TCF7L1: variants seen among roughly 807,000 people sequenced by gnomAD.
The protein encoded by TCF7L1 is transcription factor 7-like 1.
In TCF7L1, 18 loss-of-function variants were observed where a neutral mutation model predicts 63.7. The ratio of observed to expected loss-of-function variants is 0.28; its 90% CI spans 0.20 to 0.42. TCF7L1 has a LOEUF of 0.42. TCF7L1 is among the 10% of genes least tolerant of loss of function. TCF7L1 has a pLI of 1.00. For missense variants in TCF7L1, 654 were observed against 779.3 expected, an observed-to-expected ratio of 0.84 and a Z score of 1.91; for synonymous variants, 355 against 340.9, an observed-to-expected ratio of 1.04 and a Z score of -0.46.
rs773496345 is a variant in TCF7L1, at chr2:85,309,414, G to A, written c.1719G>A (p.Pro573=). Residue 573 remains proline, a synonymous_variant, in exon 12 of 12, where the codon CCG becomes CCA. Coordinates refer to ENST00000282111, the MANE Select transcript of TCF7L1 (RefSeq NM_031283.3). ...CGCTCCATGCCCACCAGGCCCTCCCGGTGCTACAGGCCCAGCCTCTTTCCC... is the reference window on the plus strand; with the variant it reads ...CGCTCCATGCCCACCAGGCCCTCCCAGTGCTACAGGCCCAGCCTCTTTCCC... ...PATLHAHQAL[P]VLQAQPLSLV... The A allele has an allele frequency of 3.2e-5, 50 of 1,574,974 alleles. No homozygotes were observed. Among genetic ancestry groups the A allele is most frequent in the Admixed American group, 5.3e-5 (3 of 56,542 alleles).
At position 85,157,245 on chromosome 2, in the gene TCF7L1, G is replaced by T. The variant is rs184036151; in HGVS notation, c.441+22795G>T. 1.4e-4 allele frequency among the ~76,000 whole-genome samples: 22 copies of T among 152,250 alleles called. No homozygotes were observed. In the East Asian group the frequency reaches 3.9e-3, roughly 27 times the overall value. On this transcript the variant is annotated intron_variant, in intron 3 of 11. Transcript: ENST00000282111. ...AGAAGCATAGCAGGCCCAGAACTTG[G>T]GCTTCTGGCTTCTCTGAACAGTGCT...
intron 3 of TCF7L1, among the ~76,000 whole-genome samples, chr2:85,272,060 C>G (rs1488440061): frequency 1.3e-5 from 2 of 152,138 alleles, no homozygotes; most frequent in African/African-American, 2.4e-5. Flanking sequence ...ACCGGGTTGC[C>G]CCCCACCCCC....
chr2:85,222,898 A>T (rs1244222440), intron 3 of TCF7L1, among the ~76,000 whole-genome samples: 1 of 152,200 alleles, frequency 6.6e-6, no homozygotes. Flanking sequence ...ATATTTACCA[A>T]TGAAGTGATA....
intron 4 of TCF7L1, among the ~76,000 whole-genome samples, chr2:85,295,392 G>C (rs969319188): frequency 6.6e-6 from 1 of 152,012 alleles, no homozygotes; most frequent in African/African-American, 2.4e-5. Context: ...GTAGAAACAG[G>C]GTTTCTCCAT....
chr2:85,204,351 G>A (rs1286517768), intron 3 of TCF7L1, among the ~76,000 whole-genome samples: 2 of 122,596 alleles, frequency 1.6e-5, no homozygotes, highest in African/African-American at 6.4e-5. Context: ...GTACATACGC[G>A]CTTACCTCAT....
intron 4 of TCF7L1, among the ~76,000 whole-genome samples, chr2:85,299,632 C>T (rs894433447): frequency 3.3e-5 from 5 of 151,706 alleles, no homozygotes; most frequent in Non-Finnish European, 7.4e-5. Flanking sequence ...TTTAGGAGAC[C>T]AAGGTGGATG....
chr2:85,241,437 G>GTTTTTTTTTTTTTTT (rs772334481), intron 3 of TCF7L1, among the ~76,000 whole-genome samples: 1 of 83,072 alleles, frequency 1.2e-5, no homozygotes, highest in Non-Finnish European at 2.6e-5. Context: ...CTTTGTTTTT[G>GTTTTTTTTTTTTTTT]TTTTTTTTTT....
chr2:85,159,165 G>T (rs958590113), intron 3 of TCF7L1, among the ~76,000 whole-genome samples: 1 of 152,136 alleles, frequency 6.6e-6, no homozygotes, highest in Non-Finnish European at 1.5e-5. Context: ...AGAGATTGGC[G>T]TTTGAGACAG....
intron 3 of TCF7L1, among the ~76,000 whole-genome samples, chr2:85,180,210 G>GTT (rs573746276): frequency 6.9e-6 from 1 of 144,504 alleles, no homozygotes; most frequent in Non-Finnish European, 1.5e-5. Flanking sequence ...CTGCAAAGTG[G>GTT]TTTTTTTTTT....
In TCF7L1 at chr2:85,134,594, CG is replaced by C. The variant is rs1677546403; in HGVS notation, c.441+146del. 1 of 1,165,894 alleles carries C rather than the reference CG, an allele frequency of 8.6e-7. No individual in the cohort carries two copies. The allele number at this position is 1,165,894 out of a possible 1,614,324, so 72.2% of individuals were successfully genotyped here. On this transcript the variant is annotated intron_variant, in intron 3 of 11. Coordinates refer to ENST00000282111, the MANE Select transcript of TCF7L1 (RefSeq NM_031283.3). The surrounding 1 kb of genome is among the most constrained non-coding windows in gnomAD (Gnocchi z 5.0). ...TTTGCGGAGTTGAACTACTCTCTGG[CG>C]GCCGAGCGCGAGGCTGCGCTGGCCA...
chr2:85,267,580 C>T (rs1558651295), intron 3 of TCF7L1, among the ~76,000 whole-genome samples: 1 of 145,414 alleles, frequency 6.9e-6, no homozygotes, highest in Admixed American at 7.2e-5. Context: ...GCCCAGGAGG[C>T]GGAGGTTGCA....
chr2:85,246,090 G>T (rs936295765), intron 3 of TCF7L1, among the ~76,000 whole-genome samples: 2 of 152,204 alleles, frequency 1.3e-5, no homozygotes, highest in Non-Finnish European at 2.9e-5. Flanking sequence ...TTCTGCTAGT[G>T]GTGGTGGTTG....
chr2:85,281,734 G>A (rs1681425780), intron 3 of TCF7L1, among the ~76,000 whole-genome samples: 2 of 152,152 alleles, frequency 1.3e-5, no homozygotes, highest in Non-Finnish European at 2.9e-5. Context: ...CCCGCGCCAG[G>A]CCTGCTTGGC....
chr2:85,299,500 C>T (rs915528399), intron 4 of TCF7L1, among the ~76,000 whole-genome samples: 2 of 151,026 alleles, frequency 1.3e-5, no homozygotes, highest in Non-Finnish European at 2.9e-5. Flanking sequence ...TGCAGTGAAC[C>T]GAGATCACAC....
chr2:85,237,046 G>C (rs1351505293), intron 3 of TCF7L1, among the ~76,000 whole-genome samples: 1 of 152,176 alleles, frequency 6.6e-6, no homozygotes, highest in Non-Finnish European at 1.5e-5. Flanking sequence ...CATAGGCTCA[G>C]GAGAGGTGCT....
At chr2:85,141,395 C>A (rs868795327) in intron 3 of TCF7L1, among the ~76,000 whole-genome samples, 1 of 152,126 alleles carries the variant, frequency 6.6e-6, no homozygotes, top group East Asian at 1.9e-4. Flanking sequence ...ATAGCCAAGG[C>A]GCCAAGCTGC....
At position 85,309,683 on chromosome 2, in the gene TCF7L1, G is replaced by C. The variant is rs1436507426; in HGVS notation, c.*221G>C. The C allele has an allele frequency of 2.1e-5, 10 of 471,384 alleles. No individual in the cohort carries two copies. The East Asian group carries it at 3.0e-4, about 14-fold the overall frequency. The allele number at this position is 471,384 out of a possible 1,614,324, so 29.2% of individuals were successfully genotyped here. ...AAACAACAAAAAAAAATCTTTATAA[G>C]AAAGAGAACTGAAAAGTAGCGTGCT... On this transcript the variant is annotated 3_prime_UTR_variant, in exon 12 of 12. Transcript: ENST00000282111.
intron 3 of TCF7L1, among the ~76,000 whole-genome samples, chr2:85,210,853 A>G (rs535063813): frequency 6.6e-6 from 1 of 152,282 alleles, no homozygotes; most frequent in South Asian, 2.1e-4. Flanking sequence ...CATTACCTCC[A>G]CATGCAGGGA....
At chr2:85,147,424 T>C (rs1677906562) in intron 3 of TCF7L1, among the ~76,000 whole-genome samples, 1 of 152,082 alleles carries the variant, frequency 6.6e-6, no homozygotes, top group Non-Finnish European at 1.5e-5. Context: ...CGTGATGCTG[T>C]GGGAACCCAA....
Sources: gnomAD v4.1 joint callset for allele counts (sites outside exome capture counted in the v4.1 genomes callset) on GRCh38, gnomAD v4.1.1 for gene constraint, Gnocchi (gnomAD v3.1) non-coding constraint, MANE v1.5 for transcripts, NCBI Gene and HGNC (gene_info 2026-07-23, HGNC 2026-07-21) for gene names.